Variants in SLC39A8 observed in about 807,000 individuals in gnomAD.
SLC39A8 encodes solute carrier family 39 member 8.
In SLC39A8, 15 loss-of-function variants were observed where a neutral mutation model predicts 40.4. That is an observed-to-expected ratio of 0.37 (90% CI 0.25 to 0.57). SLC39A8 has a LOEUF of 0.57. SLC39A8 is among the 20% of genes least tolerant of loss of function. The probability of loss-of-function intolerance (pLI) is 0.75; values close to 1 mark genes in which losing one functional copy is unlikely to be tolerated. For synonymous variants in SLC39A8, 223 were observed against 221.6 expected (o/e 1.01, Z -0.06); for missense variants, 472 against 558.8 (o/e 0.84, Z 1.57).
rs1736129508 is a variant in SLC39A8, at chr4:102,345,349, CCTAT to C, written c.-262_-259del. 1 of 152,694 alleles carries C rather than the reference CCTAT, an allele frequency of 6.5e-6. No individual in the cohort carries two copies. Among genetic ancestry groups the C allele is most frequent in the Non-Finnish European group, 1.5e-5 (1 of 68,206 alleles). The allele number at this position is 152,694 out of a possible 1,614,324, so 9.5% of individuals were successfully genotyped here. ...AAGCACTCGCTGGCCTCTCACCTCT[CCTAT>C]CTGTTTGTTTGTCTGTCTCTGCGTC... is the stretch of plus-strand genomic sequence containing the variant. On this transcript the variant is annotated 5_prime_UTR_variant, in exon 1 of 9. Coordinates refer to ENST00000356736, the MANE Select transcript of SLC39A8 (RefSeq NM_001135146.2).
chr4:102,259,932 G>C (rs1051185935), downstream of SLC39A8, among the ~76,000 whole-genome samples: 1 of 152,210 alleles, frequency 6.6e-6, no homozygotes, highest in Non-Finnish European at 1.5e-5. Context: ...ATAGAAAAGA[G>C]TTTTGTTTCC....
chr4:102,276,031 T>C (rs1432760550), intron 6 of SLC39A8, among the ~76,000 whole-genome samples: 1 of 151,760 alleles, frequency 6.6e-6, no homozygotes, highest in African/African-American at 2.4e-5. Context: ...CAGGAGAAAG[T>C]GGAAAAGATC....
exon 12 of SLC39A8, chr4:102,252,552 C>G (rs1355325904): frequency 6.6e-6 from 1 of 152,150 alleles, no homozygotes; most frequent in Non-Finnish European, 1.5e-5. Flanking sequence ...AAGAGCAACT[C>G]ACAATGGTTT....
intron 2 of SLC39A8, chr4:102,324,412 T>A (rs937221454): frequency 1.3e-5 from 2 of 152,086 alleles, no homozygotes; most frequent in African/African-American, 4.9e-5. Context: ...AAAAAAAAAA[T>A]CCTACAGTTC....
At chr4:102,258,635 A>G (rs1038244671), downstream of SLC39A8, among the ~76,000 whole-genome samples, 1 of 152,172 alleles carries the variant, frequency 6.6e-6, no homozygotes, top group Non-Finnish European at 1.5e-5. Flanking sequence ...TCCAGGGTTA[A>G]GTGCTCAGAT....
chr4:102,313,845 C>T (rs1247656046), intron 3 of SLC39A8, among the ~76,000 whole-genome samples: 2 of 151,984 alleles, frequency 1.3e-5, no homozygotes, highest in African/African-American at 4.8e-5. Context: ...GCCTTGGCCT[C>T]CCAAAGTGCT....
chr4:102,306,782 T>C (rs959469217), intron 4 of SLC39A8, among the ~76,000 whole-genome samples: 4 of 152,080 alleles, frequency 2.6e-5, no homozygotes, highest in Non-Finnish European at 5.9e-5. Context: ...TTTATTTCCC[T>C]TCCTCCATTT....
At chr4:102,342,710 T>G (rs1385688361) in intron 2 of SLC39A8, among the ~76,000 whole-genome samples, 2 of 152,250 alleles carry the variant, frequency 1.3e-5, no homozygotes, top group Non-Finnish European at 2.9e-5. Flanking sequence ...TGAGACATCC[T>G]GCCTGCTAAT....
At chr4:102,331,032 A>G (rs982822081) in intron 2 of SLC39A8, among the ~76,000 whole-genome samples, 2 of 152,216 alleles carry the variant, frequency 1.3e-5, no homozygotes, top group African/African-American at 4.8e-5. Flanking sequence ...TCTCAAAATA[A>G]TAAGAGCTGC....
chr4:102,283,163 T>C (rs913282732), intron 6 of SLC39A8, among the ~76,000 whole-genome samples: 16 of 127,388 alleles, frequency 1.3e-4, no homozygotes, highest in African/African-American at 4.6e-4. Context: ...CTGTTAAAGA[T>C]TTATTGTTTG....
chr4:102,296,694 C>T (rs1733691264), intron 6 of SLC39A8, among the ~76,000 whole-genome samples: 2 of 152,108 alleles, frequency 1.3e-5, no homozygotes, highest in Admixed American at 1.3e-4. Context: ...AAAGCCTATG[C>T]TTCTCTTCCA....
At chr4:102,339,498 TG>T (rs1735820583) in intron 2 of SLC39A8, among the ~76,000 whole-genome samples, 1 of 152,210 alleles carries the variant, frequency 6.6e-6, no homozygotes, top group Admixed American at 6.5e-5. Context: ...CACTCCTTTT[TG>T]CTACATACCA....
chr4:102,257,047 G>A (rs184321518), downstream of SLC39A8, among the ~76,000 whole-genome samples: 6 of 152,306 alleles, frequency 3.9e-5, no homozygotes, highest in East Asian at 1.9e-4. Flanking sequence ...ACTAGGTACG[G>A]AAATTGAGAA....
chr4:102,284,887 G>A (rs1347005047), intron 6 of SLC39A8, among the ~76,000 whole-genome samples: 1 of 151,960 alleles, frequency 6.6e-6, no homozygotes, highest in Non-Finnish European at 1.5e-5. Flanking sequence ...TATATATTTT[G>A]TAACCTGGTA....
chr4:102,252,386 A>C (rs1261273155), exon 12 of SLC39A8: 1 of 152,356 alleles, frequency 6.6e-6, no homozygotes, highest in Non-Finnish European at 1.5e-5. Context: ...TCTTGGGAGA[A>C]AAAGGATTTA....
intron 6 of SLC39A8, among the ~76,000 whole-genome samples, chr4:102,297,865 G>C (rs1733747794): frequency 6.6e-6 from 1 of 151,976 alleles, no homozygotes; most frequent in Non-Finnish European, 1.5e-5. Context: ...ATTTCAGTGA[G>C]CTCTGATTAA....
chr4:102,298,931 A>G (rs747353519), intron 6 of SLC39A8, among the ~76,000 whole-genome samples: 2 of 152,090 alleles, frequency 1.3e-5, no homozygotes, highest in Non-Finnish European at 2.9e-5. Flanking sequence ...AAGTCTATTT[A>G]GGGAACAAGT....
At chr4:102,281,241 A>G (rs1732854916) in intron 6 of SLC39A8, among the ~76,000 whole-genome samples, 1 of 152,224 alleles carries the variant, frequency 6.6e-6, no homozygotes, top group African/African-American at 2.4e-5. Context: ...TAAGTTGGAG[A>G]AATCAGTTGC....
intron 6 of SLC39A8, among the ~76,000 whole-genome samples, chr4:102,292,796 C>T (rs1733508370): frequency 6.6e-6 from 1 of 152,026 alleles, no homozygotes; most frequent in Non-Finnish European, 1.5e-5. Flanking sequence ...GTATGGTAGA[C>T]ACAGAAATAA....
Sources: gnomAD v4.1 joint callset for allele counts (sites outside exome capture counted in the v4.1 genomes callset) on GRCh38, gnomAD v4.1.1 for gene constraint, MANE v1.5 for transcripts, NCBI Gene and HGNC (gene_info 2026-07-23, HGNC 2026-07-21) for gene names.